Variants in KDM2B observed in about 807,000 individuals in gnomAD.
KDM2B encodes lysine-specific demethylase 2B.
A neutral mutation model predicts 150.0 loss-of-function variants in KDM2B; 26 were observed. The observed-to-expected ratio is 0.17, with a 90% CI of 0.13 to 0.24. The LOEUF (loss-of-function observed/expected upper bound fraction) is 0.24, where lower values mean the gene tolerates loss of function less well. KDM2B is among the 10% of genes least tolerant of loss of function. The pLI is 1.00. For missense variants in KDM2B, 1,265 were observed against 1,816.9 expected (o/e 0.70, Z 5.52); for synonymous variants, 734 against 729.5 (o/e 1.01, Z -0.10).
chr12:121,568,866 T>TA (rs56132369), intron 4 of KDM2B, among the ~76,000 whole-genome samples: 6,168 of 139,852 alleles, frequency 0.044, 258 homozygotes, highest in East Asian at 0.22. Context: ...GCTTTTTTGT[T>TA]AAAAAAAAAA....
intron 12 of KDM2B, among the ~76,000 whole-genome samples, chr12:121,461,828 G>A (rs1205074230): frequency 6.6e-6 from 1 of 152,194 alleles, no homozygotes; most frequent in Non-Finnish European, 1.5e-5. Flanking sequence ...GAATGGAAGA[G>A]TGAAAAGAGA....
intron 9 of KDM2B, chr12:121,516,646 C>T: frequency 1.3e-6 from 1 of 746,358 alleles, no homozygotes; most frequent in Non-Finnish European, 2.1e-6. Flanking sequence ...GCAATGCTCC[C>T]AGCCTGCAGG....
At chr12:121,461,856 A>C (rs1355147607) in intron 12 of KDM2B, among the ~76,000 whole-genome samples, 1 of 152,220 alleles carries the variant, frequency 6.6e-6, no homozygotes, top group African/African-American at 2.4e-5. Flanking sequence ...CAGTCCCTTC[A>C]AGACTGAAAA....
chr12:121,416,386 G>A, the KDM2B span: 9 of 1,576,514 alleles, frequency 5.7e-6, no homozygotes, highest in Non-Finnish European at 7.9e-6. Context: ...AGGTGAGTTG[G>A]ATGAAATGTT....
intron 12 of KDM2B, among the ~76,000 whole-genome samples, chr12:121,459,789 C>T (rs1878842431): frequency 6.6e-6 from 1 of 151,326 alleles, no homozygotes; most frequent in Admixed American, 6.6e-5. Context: ...AAGATCACAC[C>T]ATTGCACTCC....
chr12:121,420,826 T>C, the KDM2B span: 1 of 1,431,132 alleles, frequency 7.0e-7, no homozygotes. Flanking sequence ...TCCTTAGGCT[T>C]TTAAAAACTG....
At chr12:121,542,083 T>C (rs1555309850) in intron 6 of KDM2B, among the ~76,000 whole-genome samples, 1 of 152,216 alleles carries the variant, frequency 6.6e-6, no homozygotes, top group Non-Finnish European at 1.5e-5. Context: ...GCAAACAATA[T>C]GTGACTTTCA....
chr12:121,418,943 G>A, the KDM2B span, among the ~76,000 whole-genome samples: 1 of 152,180 alleles, frequency 6.6e-6, no homozygotes. Context: ...CTGACCTCAG[G>A]TTATCTACCT....
intron 6 of KDM2B, among the ~76,000 whole-genome samples, chr12:121,539,985 C>T (rs555315003): frequency 2.4e-4 from 37 of 152,088 alleles, no homozygotes; most frequent in Admixed American, 8.5e-4. Context: ...AGCAATCCAC[C>T]CACCTGGACC....
intron 13 of KDM2B, among the ~76,000 whole-genome samples, chr12:121,450,848 A>G (rs1593787573): frequency 8.9e-6 from 1 of 111,890 alleles, no homozygotes; most frequent in African/African-American, 4.4e-5. Flanking sequence ...GTGACAGAGC[A>G]AGACTCCATC....
At chr12:121,579,681 C>T in intron 1 of KDM2B, 7 of 1,387,324 alleles carry the variant, frequency 5.0e-6, no homozygotes, top group South Asian at 4.9e-5. Context: ...CCCACCACTC[C>T]CCGCATCCCC....
At chr12:121,554,768 C>T (rs1889778532) in intron 4 of KDM2B, among the ~76,000 whole-genome samples, 1 of 152,168 alleles carries the variant, frequency 6.6e-6, no homozygotes, top group East Asian at 1.9e-4. Flanking sequence ...GTATATATAC[C>T]TCTCTCACAT....
Position 121,518,909 on chromosome 12 carries a change from G to A in KDM2B, c.1047+2076C>T, listed in dbSNP as rs1036693526. 1.3e-5 allele frequency among the ~76,000 whole-genome samples: 2 copies of A among 152,188 alleles called. No homozygotes were observed. The highest frequency in any genetic ancestry group is 2.9e-5 in the Non-Finnish European group (2 of 68,042). On this transcript the variant is annotated intron_variant, in intron 9 of 22. Coordinates refer to ENST00000377071, the MANE Select transcript of KDM2B (RefSeq NM_032590.5). This position sits in a 1 kb window ranked among gnomAD's most constrained non-coding sequence, Gnocchi z 4.4. ...ACAGCATTGACCCAGACTGTGAGGT[G>A]ACCGCTTGTATCCAAACAGTGCCTT...
chr12:121,580,956 T>A lies in KDM2B; in HGVS notation c.-45A>T. 1 of 1,606,610 alleles carries A rather than the reference T, an allele frequency of 6.2e-7. No individual in the cohort carries two copies. Among genetic ancestry groups the A allele is most frequent in the Non-Finnish European group, 8.5e-7 (1 of 1,177,066 alleles). Reference sequence around the variant, plus strand: ...GGCTCAGAAGGAAATTAGCTCGGCTTCCATACCTATAAGGACTGCCTAACT... The same window carrying A: ...GGCTCAGAAGGAAATTAGCTCGGCTACCATACCTATAAGGACTGCCTAACT... On this transcript the variant is annotated 5_prime_UTR_variant, in exon 1 of 23. Coordinates refer to ENST00000377071, the MANE Select transcript of KDM2B (RefSeq NM_032590.5).
downstream of KDM2B, among the ~76,000 whole-genome samples, chr12:121,427,266 G>A (rs929954534): frequency 6.6e-6 from 1 of 152,106 alleles, no homozygotes; most frequent in African/African-American, 2.4e-5. Flanking sequence ...GGCTGGGGAC[G>A]GTGGCTCATC....
chr12:121,415,415 ATC>A, the KDM2B span: 1 of 227,856 alleles, frequency 4.4e-6, no homozygotes, highest in South Asian at 4.8e-5. Context: ...GAGGCCACGC[ATC>A]TGAGACCAGC....
Position 121,509,082 on chromosome 12 carries a change from A to G in KDM2B, c.1647+485T>C, listed in dbSNP as rs760156033. Among the ~76,000 whole-genome samples, 158 of 152,212 alleles carry G rather than the reference A, an allele frequency of 1.0e-3. 1 individual carries two copies. Among genetic ancestry groups the G allele is most frequent in the Admixed American group, 2.9e-3 (45 of 15,280 alleles). ...TACAGCTCTTTTGTTTTTTTGAGAC[A>G]GAGTCTTGCTCTGTTGCCCAGGCTG... On this transcript the variant is annotated intron_variant, in intron 11 of 22. Coordinates refer to ENST00000377071, the MANE Select transcript of KDM2B (RefSeq NM_032590.5).
chr12:121,423,913 T>A, the KDM2B span: 8 of 220,748 alleles, frequency 3.6e-5, no homozygotes, highest in Admixed American at 4.4e-4. This position sits in a 1 kb window ranked among gnomAD's most constrained non-coding sequence, Gnocchi z 4.3. Flanking sequence ...CCCTTCATCC[T>A]ATTTTTAACT....
At position 121,549,858 on chromosome 12, in the gene KDM2B, G is replaced by A. The variant is rs1420380542; in HGVS notation, c.398-220C>T. On this transcript the variant is annotated intron_variant, in intron 4 of 22. Coordinates refer to ENST00000377071, the MANE Select transcript of KDM2B (RefSeq NM_032590.5). This position sits in a 1 kb window ranked among gnomAD's most constrained non-coding sequence, Gnocchi z 4.4. ...ACCACCATGGCCTCCACGCCAGTCT[G>A]CGATGACCTCAAAAGCTACCTAAAG... Among the ~76,000 whole-genome samples, 1 of 144,752 alleles carries A rather than the reference G, an allele frequency of 6.9e-6. No homozygotes were observed. Among genetic ancestry groups the A allele is most frequent in the African/African-American group, 2.6e-5 (1 of 38,114 alleles). The allele number at this position is 144,752 out of a possible 152,430, so 95.0% of individuals were successfully genotyped here. A position where few individuals can be genotyped will look rare whatever the true frequency, so the allele number is the denominator to read the frequency against.
Sources: allele counts gnomAD v4.1 joint callset (sites outside exome capture counted in the v4.1 genomes callset), GRCh38; gene constraint gnomAD v4.1.1; non-coding constraint Gnocchi (gnomAD v3.1); transcripts MANE v1.5; gene names NCBI Gene and HGNC (gene_info 2026-07-23, HGNC 2026-07-21).